The following DNM2 variants were observed in gnomAD, a reference collection of about 807,000 sequenced individuals.
DNM2 encodes the protein dynamin-2.
In DNM2, 15 loss-of-function variants were observed where a neutral mutation model predicts 99.0. That is an observed-to-expected ratio of 0.15 (90% CI 0.10 to 0.23). The LOEUF (loss-of-function observed/expected upper bound fraction) is 0.23, where lower values mean the gene tolerates loss of function less well. Among genes scored for constraint, DNM2 ranks in the 10% least tolerant of loss-of-function variants. The probability of loss-of-function intolerance (pLI) is 1.00; values close to 1 mark genes in which losing one functional copy is unlikely to be tolerated. For missense variants in DNM2, 742 were observed against 1,189.4 expected (o/e 0.62, Z 5.53); for synonymous variants, 525 against 481.2 (o/e 1.09, Z -1.19).
rs1173029849 is a variant in DNM2, at chr19:10,765,529, G to A, written c.235+5718G>A. The stretch of plus-strand genomic sequence containing the variant: ...TAGAGAGCAGACCAAGCTGGCGTGC[G>A]TCAGGCTGTGGGCTGGCTGGGATGC... On this transcript the variant is annotated intron_variant, in intron 2 of 20. Transcript: ENST00000389253. The surrounding 1 kb of genome is among the most constrained non-coding windows in gnomAD (Gnocchi z 4.4). 1.3e-5 allele frequency among the ~76,000 whole-genome samples: 2 copies of A among 152,208 alleles called. No individual in the cohort carries two copies. Among genetic ancestry groups the A allele is most frequent in the African/African-American group, 2.4e-5 (1 of 41,458 alleles).
At chr19:10,774,176 A>G (rs2071073988) in intron 3 of DNM2, among the ~76,000 whole-genome samples, 1 of 152,192 alleles carries the variant, frequency 6.6e-6, no homozygotes, top group South Asian at 2.1e-4. Flanking sequence ...GTGGTTTCAC[A>G]CACCTGTCAT....
chr19:10,737,631 G>A lies in DNM2; in HGVS notation c.161+19228G>A, dbSNP rs150976518. Among the ~76,000 whole-genome samples, 27 of 152,154 alleles carry A rather than the reference G, an allele frequency of 1.8e-4. No individual in the cohort carries two copies. In the East Asian group the frequency reaches 4.3e-3, roughly 24 times the overall value. Reference sequence around the variant, plus strand: ...CTCCCAAGTAGCTGGGATTACAGGCGCACGTCAACATGCCCGTATATTTTT... The same window carrying A: ...CTCCCAAGTAGCTGGGATTACAGGCACACGTCAACATGCCCGTATATTTTT... On this transcript the variant is annotated intron_variant, in intron 1 of 20. Transcript: ENST00000389253.
intron 1 of DNM2, among the ~76,000 whole-genome samples, chr19:10,756,964 G>A (rs1282786754): frequency 6.6e-6 from 1 of 152,076 alleles, no homozygotes; most frequent in African/African-American, 2.4e-5. Context: ...CAGCCAGAGG[G>A]GGGTTTAAAA....
In DNM2 at chr19:10,765,695, G is replaced by C. The variant is rs1033658412; in HGVS notation, c.235+5884G>C. Among the ~76,000 whole-genome samples the C allele has an allele frequency of 3.3e-5, 5 of 152,224 alleles. No homozygotes were observed. Among genetic ancestry groups the C allele is most frequent in the African/African-American group, 1.2e-4 (5 of 41,458 alleles). Reference sequence around the variant, plus strand: ...TGTGCCCACTTCTTGGTCTGCTGAAGGCTCTCAAAAGTCCTGCATGAGTGG... The same window carrying C: ...TGTGCCCACTTCTTGGTCTGCTGAACGCTCTCAAAAGTCCTGCATGAGTGG... On this transcript the variant is annotated intron_variant, in intron 2 of 20. Transcript: ENST00000389253. This position sits in a 1 kb window ranked among gnomAD's most constrained non-coding sequence, Gnocchi z 4.4.
At chr19:10,822,929 AC>A (rs2073025454) in intron 16 of DNM2, among the ~76,000 whole-genome samples, 1 of 148,742 alleles carries the variant, frequency 6.7e-6, no homozygotes, top group Non-Finnish European at 1.5e-5. Flanking sequence ...ACACGGTGAA[AC>A]CCCGTCTCTA....
intron 1 of DNM2, among the ~76,000 whole-genome samples, chr19:10,742,973 G>A (rs2069813420): frequency 6.7e-6 from 1 of 150,194 alleles, no homozygotes; most frequent in Non-Finnish European, 1.5e-5. Flanking sequence ...TGGTGCAGTG[G>A]CTCAGTCTCC....
At chr19:10,750,900 C>CAA (rs112088041) in intron 1 of DNM2, among the ~76,000 whole-genome samples, 1 of 141,674 alleles carries the variant, frequency 7.1e-6, no homozygotes, top group Non-Finnish European at 1.6e-5. Flanking sequence ...GACTCCATCT[C>CAA]AAAAAAAAAA....
rs539755843 is a variant in DNM2 at position 10,820,894 on chromosome 19, G to A, written c.1781+805G>A. Among the ~76,000 whole-genome samples, 4 of 152,332 alleles carry A rather than the reference G, an allele frequency of 2.6e-5. No individual in the cohort carries two copies. Among genetic ancestry groups the A allele is most frequent in the South Asian group, 4.1e-4 (2 of 4,828 alleles). ...TCACAGTACATCTGTCCCATGAGGCGTAGCTGGAGACTTTAGCAGAGACAC... is the reference window on the plus strand; with the variant it reads ...TCACAGTACATCTGTCCCATGAGGCATAGCTGGAGACTTTAGCAGAGACAC... On this transcript the variant is annotated intron_variant, in intron 16 of 20. Transcript: ENST00000389253. This position sits in a 1 kb window ranked among gnomAD's most constrained non-coding sequence, Gnocchi z 4.3.
At chr19:10,767,826 A>G (rs1354597044) in intron 2 of DNM2, among the ~76,000 whole-genome samples, 1 of 152,090 alleles carries the variant, frequency 6.6e-6, no homozygotes, top group East Asian at 1.9e-4. Flanking sequence ...GAATAGCTTG[A>G]ACCGGGGAGG....
At chr19:10,720,888 C>T (rs2068916602) in intron 1 of DNM2, among the ~76,000 whole-genome samples, 1 of 152,130 alleles carries the variant, frequency 6.6e-6, no homozygotes, top group South Asian at 2.1e-4. Context: ...ACACTTAAGC[C>T]TTATGAGGGA....
intron 1 of DNM2, among the ~76,000 whole-genome samples, chr19:10,735,134 C>G (rs2069475728): frequency 6.6e-6 from 1 of 152,116 alleles, no homozygotes; most frequent in Non-Finnish European, 1.5e-5. Context: ...AGCTCTGCCT[C>G]CTGGGTTCAC....
chr19:10,756,216 G>T (rs900750020), intron 1 of DNM2, among the ~76,000 whole-genome samples: 1 of 152,002 alleles, frequency 6.6e-6, no homozygotes, highest in African/African-American at 2.4e-5. Context: ...CCCTCGTTCA[G>T]TTCACTCCGC....
At chr19:10,722,502 G>A (rs1320080812) in intron 1 of DNM2, among the ~76,000 whole-genome samples, 2 of 151,970 alleles carry the variant, frequency 1.3e-5, no homozygotes, top group Admixed American at 6.6e-5. Flanking sequence ...CCGCCACCAC[G>A]CCTGGCTAAT....
chr19:10,785,910 T>C (rs1374997825), intron 6 of DNM2, among the ~76,000 whole-genome samples: 2 of 151,958 alleles, frequency 1.3e-5, no homozygotes, highest in Non-Finnish European at 2.9e-5. Flanking sequence ...TCCCGAGTTC[T>C]TTCTCAGCCT....
At chr19:10,734,020 A>T (rs2069432470) in intron 1 of DNM2, among the ~76,000 whole-genome samples, 1 of 151,932 alleles carries the variant, frequency 6.6e-6, no homozygotes, top group African/African-American at 2.4e-5. Context: ...AAAATAAAAA[A>T]AAAAAAATGA....
In DNM2 at chr19:10,793,706, C is replaced by G; in HGVS notation, c.993-14C>G. On this transcript the variant is annotated splice_polypyrimidine_tract_variant and intron_variant, in intron 7 of 20. Coordinates refer to ENST00000389253, the MANE Select transcript of DNM2 (RefSeq NM_001005361.3). ...ACCTCCGTTTTGATGCTTGCTTTTT[C>G]CTTTTCCTCATAGGATGGTCCAGCA... 6.2e-7 allele frequency: 1 copy of G among 1,614,120 alleles called. No individual in the cohort carries two copies. Among genetic ancestry groups the G allele is most frequent in the Non-Finnish European group, 8.5e-7 (1 of 1,180,008 alleles).
chr19:10,782,580 G>A (rs997707985), intron 5 of DNM2, among the ~76,000 whole-genome samples: 17 of 150,074 alleles, frequency 1.1e-4, no homozygotes, highest in African/African-American at 3.9e-4. Context: ...GGGTGGCCTC[G>A]AGCTCCTTAC....
At chr19:10,740,803 A>G (rs1009141038) in intron 1 of DNM2, among the ~76,000 whole-genome samples, 8 of 152,016 alleles carry the variant, frequency 5.3e-5, no homozygotes, top group African/African-American at 1.9e-4. Context: ...ATATCTTCTC[A>G]TTTCTCTTAT....
In DNM2 at chr19:10,815,162, G is replaced by GCGTCT. The variant is rs554148506; in HGVS notation, c.1671+2787_1671+2791dup. On this transcript the variant is annotated intron_variant, in intron 15 of 20. Transcript: ENST00000389253. ...GCAAGGCTGTCCAGGGCCTGGCTCCGCGTCTCCTGTTGCCACCTTAACACA... is the reference window on the plus strand; with the variant it reads ...GCAAGGCTGTCCAGGGCCTGGCTCCGCGTCTCGTCTCCTGTTGCCACCTTAACACA... 5.1e-4 allele frequency among the ~76,000 whole-genome samples: 77 copies of GCGTCT among 152,264 alleles called. No individual in the cohort carries two copies. In the Middle Eastern group the frequency reaches 0.01, roughly 20 times the overall value.
Sources: gnomAD v4.1 joint callset for allele counts (sites outside exome capture counted in the v4.1 genomes callset) on GRCh38, gnomAD v4.1.1 for gene constraint, Gnocchi (gnomAD v3.1) non-coding constraint, MANE v1.5 for transcripts, NCBI Gene and HGNC (gene_info 2026-07-23, HGNC 2026-07-21) for gene names.